The following CRMP1 variants were observed in gnomAD, a reference collection of about 807,000 sequenced individuals.
The protein encoded by CRMP1 is dihydropyrimidinase-related protein 1.
A neutral mutation model predicts 68.3 loss-of-function variants in CRMP1; 19 were observed. That is an observed-to-expected ratio of 0.28 (90% CI 0.19 to 0.41). CRMP1 has a LOEUF of 0.41. Ranked by LOEUF, CRMP1 falls within the 10% of genes least tolerant of loss-of-function variation. The probability of loss-of-function intolerance (pLI) is 1.00; values close to 1 mark genes in which losing one functional copy is unlikely to be tolerated. For missense variants in CRMP1, 791 were observed against 967.4 expected (o/e 0.82, Z 2.42); for synonymous variants, 439 against 399.6 (o/e 1.10, Z -1.18).
At chr4:5,884,113 T>A (rs2152475606) in intron 1 of CRMP1, among the ~76,000 whole-genome samples, 1 of 152,332 alleles carries the variant, frequency 6.6e-6, no homozygotes, top group East Asian at 1.9e-4. Flanking sequence ...ACATTTGTTC[T>A]GTCCTTCCTT....
Position 5,891,695 on chromosome 4 carries a change from C to T in CRMP1, c.381+894G>A, listed in dbSNP as rs1322314683. 6.6e-6 allele frequency among the ~76,000 whole-genome samples: 1 copy of T among 152,182 alleles called. No homozygotes were observed. Among genetic ancestry groups the T allele is most frequent in the Non-Finnish European group, 1.5e-5 (1 of 68,030 alleles). On this transcript the variant is annotated intron_variant, in intron 1 of 13. Transcript: ENST00000324989. This position sits in a 1 kb window ranked among gnomAD's most constrained non-coding sequence, Gnocchi z 5.2. ...CCCAGCCCTCGGATGCTCCAACTTC[C>T]GTTTTTCTGGCACCTGACCCTGGCT... is the stretch of plus-strand genomic sequence containing the variant.
chr4:5,822,495 G>C (rs76286990), intron 13 of CRMP1, among the ~76,000 whole-genome samples: 27 of 83,002 alleles, frequency 3.3e-4, no homozygotes, highest in Admixed American at 1.5e-3. Context: ...GGATCTGAAG[G>C]GGGGGGGGGT....
Position 5,889,643 on chromosome 4 carries a change from G to T in CRMP1, c.381+2946C>A, listed in dbSNP as rs1053353958. 6.5e-7 allele frequency: 1 copy of T among 1,536,046 alleles called. No homozygotes were observed. Among genetic ancestry groups the T allele is most frequent in the African/African-American group, 1.4e-5 (1 of 73,050 alleles). ...CACCAACCTTGTCCACCACTTCGTT[G>T]TTCATTTTCTGCATGCGAAATCCAA... is the stretch of plus-strand genomic sequence containing the variant. On this transcript the variant is annotated intron_variant, in intron 1 of 13. Transcript: ENST00000324989. This position sits in a 1 kb window ranked among gnomAD's most constrained non-coding sequence, Gnocchi z 4.5.
chr4:5,873,567 C>T (rs1456285394), intron 1 of CRMP1, among the ~76,000 whole-genome samples: 1 of 151,846 alleles, frequency 6.6e-6, no homozygotes, highest in African/African-American at 2.4e-5. Flanking sequence ...GGGGAGGTAC[C>T]AGAATTTTAA....
Position 5,836,035 on chromosome 4 carries a change from A to G in CRMP1, c.1503T>C (p.Asn501=). 3 of 1,599,862 alleles carry G rather than the reference A, an allele frequency of 1.9e-6. No individual in the cohort carries two copies. The highest frequency in any genetic ancestry group is 2.6e-6 in the Non-Finnish European group (3 of 1,173,252). The part of the protein sequence containing the change: ...ENQFVAVTST[N]AAKIFNLYPR... ...GGTACAGGTTAAAGATCTTGGCTGC[A>G]TTGGTGCTGGTGACAGCGACAAACT... Residue 501 remains asparagine, a synonymous_variant, in exon 11 of 14, where the codon AAT becomes AAC. Transcript: ENST00000324989.
At chr4:5,882,101 C>G (rs545670133) in intron 1 of CRMP1, among the ~76,000 whole-genome samples, 1 of 152,218 alleles carries the variant, frequency 6.6e-6, no homozygotes, top group Non-Finnish European at 1.5e-5. Context: ...TTTTACATGT[C>G]AGAACTTTCA....
chr4:5,852,412 C>G (rs573651104), intron 4 of CRMP1, among the ~76,000 whole-genome samples: 1 of 152,332 alleles, frequency 6.6e-6, no homozygotes, highest in South Asian at 2.1e-4. Flanking sequence ...GCAAGCCCTT[C>G]TGACTTAGAG....
intron 1 of CRMP1, among the ~76,000 whole-genome samples, chr4:5,885,885 A>G (rs952922766): frequency 2.8e-5 from 4 of 141,388 alleles, no homozygotes; most frequent in African/African-American, 1.1e-4. Context: ...GTTTGCCTTA[A>G]CTTGTCAAAT....
chr4:5,888,208 C>CG lies in CRMP1; in HGVS notation c.381+4380dup. The stretch of plus-strand genomic sequence containing the variant: ...GCCCACAAAGGCCAGCGCGGGGCGG[C>CG]GGGGGCGGGGGCCGCTTACCGTGAT... On this transcript the variant is annotated intron_variant, in intron 1 of 13. Coordinates refer to ENST00000324989, the MANE Select transcript of CRMP1 (RefSeq NM_001014809.3). The surrounding 1 kb of genome is among the most constrained non-coding windows in gnomAD (Gnocchi z 6.4). The CG allele has an allele frequency of 7.9e-7, 1 of 1,258,508 alleles. No individual in the cohort carries two copies. 78.0% of individuals were successfully genotyped at this position (1,258,508 alleles called of 1,614,324 possible). A position where few individuals can be genotyped will look rare whatever the true frequency, so the allele number is the denominator to read the frequency against.
chr4:5,831,984 A>G (rs138496899), intron 11 of CRMP1, among the ~76,000 whole-genome samples: 3 of 151,292 alleles, frequency 2.0e-5, no homozygotes, highest in Non-Finnish European at 4.4e-5. Flanking sequence ...ACAAGGGGGT[A>G]TTATTCAGCC....
At position 5,825,506 on chromosome 4, in the gene CRMP1, A is replaced by G; in HGVS notation, c.1957T>C (p.Phe653Leu). 6.4e-7 allele frequency: 1 copy of G among 1,574,324 alleles called. No individual in the cohort carries two copies. Among genetic ancestry groups the G allele is most frequent in the East Asian group, 2.4e-5 (1 of 42,434 alleles). ...CACTCTTTCCTACCTGATAAGCTGA[A>G]GTTGGACTGGTGGAGGTTTCTGATG... is the stretch of plus-strand genomic sequence containing the variant. ...PPIRNLHQSN[F>L]SLSGAQIDDN... Residue 653 changes from phenylalanine (F) to leucine (L), a missense_variant, in exon 13 of 14, where the codon TTC (phenylalanine) becomes CTC (leucine). This residue lies in a region of CRMP1 where 594 missense variants were observed against 763.6 expected (regional missense o/e 0.78). Transcript: ENST00000324989. This position sits in a 1 kb window ranked among gnomAD's most constrained non-coding sequence, Gnocchi z 4.4.
At chr4:5,863,429 G>A (rs1282092751) in intron 2 of CRMP1, among the ~76,000 whole-genome samples, 2 of 152,150 alleles carry the variant, frequency 1.3e-5, no homozygotes, top group East Asian at 3.9e-4. Context: ...TCAGAGCTCT[G>A]ACCAGCAGGC....
In CRMP1 at chr4:5,883,218, C is replaced by T. The variant is rs966607483; in HGVS notation, c.381+9371G>A. 6.0e-5 allele frequency among the ~76,000 whole-genome samples: 9 copies of T among 148,800 alleles called. No homozygotes were observed. Among genetic ancestry groups the T allele is most frequent in the African/African-American group, 2.3e-4 (9 of 39,684 alleles). ...TTCCTCTGACACCTGTGCCCTGTTC[C>T]GCAGCCTGCCTGCTTTCCTTCCTTC... is the stretch of plus-strand genomic sequence containing the variant. On this transcript the variant is annotated intron_variant, in intron 1 of 13. Coordinates refer to ENST00000324989, the MANE Select transcript of CRMP1 (RefSeq NM_001014809.3). The surrounding 1 kb of genome is among the most constrained non-coding windows in gnomAD (Gnocchi z 4.5).
At position 5,821,900 on chromosome 4, in the gene CRMP1, T is replaced by G; in HGVS notation, c.1970-49A>C. ...CTGGATGGGATCTGTTAGCATCAGT[T>G]CCACGCTGCTCCTGGAGGCCATGTA... On this transcript the variant is annotated intron_variant, in intron 13 of 13. Transcript: ENST00000324989. The surrounding 1 kb of genome is among the most constrained non-coding windows in gnomAD (Gnocchi z 4.4). The G allele has an allele frequency of 1.3e-6, 2 of 1,507,438 alleles. No individual in the cohort carries two copies. The highest frequency in any genetic ancestry group is 1.8e-6 in the Non-Finnish European group (2 of 1,110,792). 93.4% of individuals were successfully genotyped at this position (1,507,438 alleles called of 1,614,324 possible). A position where few individuals can be genotyped will look rare whatever the true frequency, so the allele number is the denominator to read the frequency against.
intron 1 of CRMP1, among the ~76,000 whole-genome samples, chr4:5,868,821 A>G (rs1031184444): frequency 1.3e-5 from 2 of 152,212 alleles, no homozygotes; most frequent in Non-Finnish European, 2.9e-5. Flanking sequence ...AACTGGGTCA[A>G]ACAACATAAA....
rs1349532526 is a variant in CRMP1 at position 5,821,022 on chromosome 4, T to C, written c.*738A>G. 1.3e-5 allele frequency: 2 copies of C among 152,172 alleles called. No homozygotes were observed. Among genetic ancestry groups the C allele is most frequent in the Non-Finnish European group, 2.9e-5 (2 of 68,048 alleles). The allele number at this position is 152,172 out of a possible 1,614,324, so 9.4% of individuals were successfully genotyped here. A position where few individuals can be genotyped will look rare whatever the true frequency, so the allele number is the denominator to read the frequency against. On this transcript the variant is annotated 3_prime_UTR_variant, in exon 14 of 14. Transcript: ENST00000324989. The surrounding 1 kb of genome is among the most constrained non-coding windows in gnomAD (Gnocchi z 4.4). The stretch of plus-strand genomic sequence containing the variant: ...GGGGATGGGGAGACCTCTTTCTGAG[T>C]GTGAACCTGGCTCGGCCTGAAGCCT...
chr4:5,827,971 A>C (rs558466246), intron 12 of CRMP1: 2 of 922,830 alleles, frequency 2.2e-6, no homozygotes, highest in Non-Finnish European at 2.6e-6. Flanking sequence ...TTCAAGGAAA[A>C]TAAGGAACGA....
Position 5,834,644 on chromosome 4 carries a change from GCT to G in CRMP1, c.1623+1269_1623+1270del, listed in dbSNP as rs1391587778. Among the ~76,000 whole-genome samples the G allele has an allele frequency of 1.2e-4, 18 of 152,266 alleles. No homozygotes were observed. Among genetic ancestry groups the G allele is most frequent in the African/African-American group, 4.1e-4 (17 of 41,544 alleles). On this transcript the variant is annotated intron_variant, in intron 11 of 13. Coordinates refer to ENST00000324989, the MANE Select transcript of CRMP1 (RefSeq NM_001014809.3). This position sits in a 1 kb window ranked among gnomAD's most constrained non-coding sequence, Gnocchi z 4.3. ...TCTCACTGGCAAGACCCTCTCAGAC[GCT>G]CTCCCATTGCCTCTCCTATGTGCAC...
chr4:5,871,388 C>T lies in CRMP1; in HGVS notation c.382-4632G>A, dbSNP rs753966260. On this transcript the variant is annotated intron_variant, in intron 1 of 13. Coordinates refer to ENST00000324989, the MANE Select transcript of CRMP1 (RefSeq NM_001014809.3). ...GAAATCTCTAGGTTAAGGCTGGGTG[C>T]GGTGGCTCACACCTGTAATCCCAGC... Among the ~76,000 whole-genome samples the T allele has an allele frequency of 4.6e-5, 7 of 152,102 alleles. No individual in the cohort carries two copies. In the East Asian group the frequency reaches 5.8e-4, roughly 13 times the overall value.
Sources: gnomAD v4.1 joint callset for allele counts (sites outside exome capture counted in the v4.1 genomes callset) on GRCh38, gnomAD v4.1.1 for gene constraint, gnomAD v4.1.1 regional missense constraint, Gnocchi (gnomAD v3.1) non-coding constraint, MANE v1.5 for transcripts, NCBI Gene and HGNC (gene_info 2026-07-23, HGNC 2026-07-21) for gene names.